PHTF2: variants seen among roughly 807,000 people sequenced by gnomAD.
PHTF2 encodes the protein protein PHTF2.
PHTF2 carries 60 observed loss-of-function variants against 101.2 expected under a neutral mutation model. The ratio of observed to expected loss-of-function variants is 0.59; its 90% CI spans 0.48 to 0.73. The LOEUF (loss-of-function observed/expected upper bound fraction) is 0.73, where lower values mean the gene tolerates loss of function less well. PHTF2 is among the 30% of genes least tolerant of loss of function. The pLI, the probability that PHTF2 is intolerant of heterozygous loss-of-function variation, is 0.00. For missense variants in PHTF2, 747 were observed against 908.7 expected, an observed-to-expected ratio of 0.82 and a Z score of 2.29; for synonymous variants, 311 against 307.3, an observed-to-expected ratio of 1.01 and a Z score of -0.13.
chr7:77,814,427 A>G (rs1793683492), intron 1 of PHTF2, among the ~76,000 whole-genome samples: 1 of 152,112 alleles, frequency 6.6e-6, no homozygotes, highest in Non-Finnish European at 1.5e-5. Context: ...AAACTTACCT[A>G]ACACAGTATT....
chr7:77,822,927 C>T (rs1299600087), intron 1 of PHTF2, among the ~76,000 whole-genome samples: 114 of 138,008 alleles, frequency 8.3e-4, no homozygotes, highest in African/African-American at 3.0e-3. Context: ...TTTTTTGAGA[C>T]GGAGTCTCGC....
At chr7:77,877,337 C>T (rs1283668725) in intron 3 of PHTF2, among the ~76,000 whole-genome samples, 1 of 152,046 alleles carries the variant, frequency 6.6e-6, no homozygotes, top group Non-Finnish European at 1.5e-5. Context: ...AACTCCTGAC[C>T]TCATGATCCC....
chr7:77,823,959 A>G (rs1794506103), intron 1 of PHTF2, among the ~76,000 whole-genome samples: 1 of 152,222 alleles, frequency 6.6e-6, no homozygotes, highest in Non-Finnish European at 1.5e-5. Flanking sequence ...ATAAGTAGTG[A>G]AAGTAAAGCA....
intron 1 of PHTF2, among the ~76,000 whole-genome samples, chr7:77,821,336 T>C (rs1584394152): frequency 6.6e-6 from 1 of 152,358 alleles, no homozygotes; most frequent in East Asian, 1.9e-4. Flanking sequence ...GTTGCGTCTA[T>C]TTGAGGTTCA....
intron 3 of PHTF2, among the ~76,000 whole-genome samples, chr7:77,857,811 GA>G (rs1274839578): frequency 6.6e-6 from 1 of 152,134 alleles, no homozygotes; most frequent in Non-Finnish European, 1.5e-5. Flanking sequence ...TATATAAAGG[GA>G]TAACACTGTC....
intron 3 of PHTF2, among the ~76,000 whole-genome samples, chr7:77,876,872 A>G (rs1251311878): frequency 1.3e-5 from 2 of 152,208 alleles, no homozygotes; most frequent in Non-Finnish European, 1.5e-5. Flanking sequence ...ATAATTTTCA[A>G]TGATTTCCAC....
intron 2 of PHTF2, among the ~76,000 whole-genome samples, chr7:77,851,984 A>C (rs945401182): frequency 2.6e-5 from 4 of 152,104 alleles, no homozygotes; most frequent in Non-Finnish European, 5.9e-5. Context: ...GTAATTCAGG[A>C]GCATATTGTT....
intron 1 of PHTF2, among the ~76,000 whole-genome samples, chr7:77,805,482 T>G (rs1792899544): frequency 6.6e-6 from 1 of 152,260 alleles, no homozygotes; most frequent in African/African-American, 2.4e-5. Flanking sequence ...GCTAGAATCT[T>G]AAGTTGGAAG....
intron 3 of PHTF2, among the ~76,000 whole-genome samples, chr7:77,870,649 C>T (rs1798440954): frequency 6.6e-6 from 1 of 152,134 alleles, no homozygotes; most frequent in African/African-American, 2.4e-5. Context: ...CAGACACACC[C>T]AGGATCAAAA....
At chr7:77,934,884 G>T (rs189681362) in intron 12 of PHTF2, among the ~76,000 whole-genome samples, 1 of 151,984 alleles carries the variant, frequency 6.6e-6, no homozygotes, top group African/African-American at 2.4e-5. Flanking sequence ...GCTTGAACCC[G>T]GGAGGCGAAG....
chr7:77,837,461 A>C (rs969648690), intron 1 of PHTF2, among the ~76,000 whole-genome samples: 4 of 152,206 alleles, frequency 2.6e-5, no homozygotes, highest in African/African-American at 9.7e-5. Flanking sequence ...CTATCTTAGC[A>C]TGCTGTAAAA....
At chr7:77,904,496 A>C (rs1300659420) in intron 7 of PHTF2, among the ~76,000 whole-genome samples, 1 of 152,162 alleles carries the variant, frequency 6.6e-6, no homozygotes, top group Non-Finnish European at 1.5e-5. Context: ...CTTATACAAC[A>C]AAATTTATTT....
chr7:77,824,210 A>G (rs778527754), intron 1 of PHTF2, among the ~76,000 whole-genome samples: 61 of 151,436 alleles, frequency 4.0e-4, no homozygotes, highest in Non-Finnish European at 7.7e-4. Context: ...TGGAAAATTG[A>G]GCAGATAGTA....
chr7:77,838,778 A>G (rs1795655924), intron 1 of PHTF2, among the ~76,000 whole-genome samples: 1 of 152,200 alleles, frequency 6.6e-6, no homozygotes, highest in African/African-American at 2.4e-5. Flanking sequence ...TCTTTCCATT[A>G]TGTTAGGCTG....
chr7:77,811,631 T>G (rs1386524068), intron 1 of PHTF2, among the ~76,000 whole-genome samples: 1 of 152,262 alleles, frequency 6.6e-6, no homozygotes, highest in Non-Finnish European at 1.5e-5. Context: ...AATTCTTGTT[T>G]TATCATTTTG....
At chr7:77,841,075 C>T (rs79590091) in intron 2 of PHTF2, among the ~76,000 whole-genome samples, 218 of 77,218 alleles carry the variant, frequency 2.8e-3, no homozygotes, top group African/African-American at 4.8e-3. Flanking sequence ...AAAAAACAGA[C>T]TTTTTTTTTT....
chr7:77,885,545 A>G (rs1799763409), intron 3 of PHTF2, among the ~76,000 whole-genome samples: 2 of 152,064 alleles, frequency 1.3e-5, no homozygotes, highest in Non-Finnish European at 1.5e-5. Context: ...CCCAGGTTCA[A>G]GTGATTCTCC....
intron 12 of PHTF2, 63 bp from the exon 12 acceptor site, chr7:77,937,647 T>G (rs1175242707): frequency 1.4e-5 from 8 of 592,550 alleles, no homozygotes; most frequent in African/African-American, 3.9e-5. Flanking sequence ...TACAACTTTA[T>G]ATACACACAT....
At chr7:77,840,193 C>A in intron 1 of PHTF2, 28 bp from the exon 2 acceptor site, 6 of 1,184,716 alleles carry the variant, frequency 5.1e-6, no homozygotes, top group Admixed American at 3.4e-5. Flanking sequence ...GAAATAAAGT[C>A]ATTTGTATGT....
Sources: allele counts gnomAD v4.1 joint callset (sites outside exome capture counted in the v4.1 genomes callset), GRCh38; gene constraint gnomAD v4.1.1; transcripts MANE v1.5; gene names NCBI Gene and HGNC (gene_info 2026-07-23, HGNC 2026-07-21).